SYT6: variants seen among roughly 807,000 people sequenced by gnomAD.
SYT6 encodes synaptotagmin-6.
A neutral mutation model predicts 38.4 loss-of-function variants in SYT6; 24 were observed. The observed-to-expected ratio is 0.62, with a 90% CI of 0.45 to 0.88. SYT6 has a LOEUF of 0.88. Among genes scored for constraint, SYT6 ranks in the 40% least tolerant of loss-of-function variants. SYT6 has a pLI of 0.00. For missense variants in SYT6, 611 were observed against 621.0 expected (o/e 0.98, Z 0.17); for synonymous variants, 265 against 241.9 (o/e 1.10, Z -0.89).
chr1:114,126,727 A>G (rs1456236716), intron 3 of SYT6, among the ~76,000 whole-genome samples: 1 of 152,230 alleles, frequency 6.6e-6, no homozygotes, highest in African/African-American at 2.4e-5. Context: ...TATTCCATCC[A>G]AAGGCACAGC....
rs1254145932 is a variant in SYT6, at chr1:114,139,728, C to A, written c.399G>T (p.Lys133Asn). Residue 133 changes from lysine to asparagine, a missense_variant, in exon 2 of 8, where the codon AAG (lysine) becomes AAT (asparagine). Lys to Asn is a moderately conservative substitution (Grantham distance 94, BLOSUM62 0). Coordinates refer to ENST00000610222, the MANE Select transcript of SYT6 (RefSeq NM_001253772.2). ...STLGFLEAAV[K>N]ISHTSPDIPA... ...GGATATCTGGGGACGTGTGGCTGAT[C>A]TTCACGGCCGCCTCCAGGAAGCCCA... is the stretch of plus-strand genomic sequence containing the variant. 1 of 1,614,054 alleles carries A rather than the reference C, an allele frequency of 6.2e-7. No individual in the cohort carries two copies. Among genetic ancestry groups the A allele is most frequent in the African/African-American group, 1.3e-5 (1 of 74,932 alleles).
rs370506806 is a variant in SYT6 at position 114,099,275 on chromosome 1, T to C, written c.1193-10A>G. 1.9e-6 allele frequency: 3 copies of C among 1,607,902 alleles called. No individual in the cohort carries two copies. The highest frequency in any genetic ancestry group is 2.7e-5 in the African/African-American group (2 of 74,664). ...ACTTTCACATAGGGATCTGTGCCAA[T>C]GGGGACAGAGAAAAGGGAATGGAGT... On this transcript the variant is annotated splice_polypyrimidine_tract_variant and intron_variant, in intron 4 of 7. Coordinates refer to ENST00000610222, the MANE Select transcript of SYT6 (RefSeq NM_001253772.2).
At chr1:114,149,176 G>T (rs144528747) in intron 1 of SYT6, among the ~76,000 whole-genome samples, 97 of 48,944 alleles carry the variant, frequency 2.0e-3, no homozygotes, top group African/African-American at 0.013. Context: ...TCTGGAAAAG[G>T]TGTACCTGAG....
At chr1:114,149,634 T>C (rs1004216735) in intron 1 of SYT6, among the ~76,000 whole-genome samples, 6 of 152,198 alleles carry the variant, frequency 3.9e-5, no homozygotes, top group African/African-American at 1.4e-4. Context: ...TAACAATTAT[T>C]AATATTATTA....
At position 114,119,521 on chromosome 1, in the gene SYT6, A is replaced by G. The variant is rs150248533; in HGVS notation, c.1072-15800T>C. Among the ~76,000 whole-genome samples, 454 of 152,322 alleles carry G rather than the reference A, an allele frequency of 3.0e-3. 2 individuals are homozygous for G. Among genetic ancestry groups the G allele is most frequent in the African/African-American group, 0.01 (424 of 41,562 alleles). Reference sequence around the variant, plus strand: ...TGAATTCTCTTCTTTAATCCTCACAATAACCTTATGGAAAAGGGTTATTTT... The same window carrying G: ...TGAATTCTCTTCTTTAATCCTCACAGTAACCTTATGGAAAAGGGTTATTTT... On this transcript the variant is annotated intron_variant, in intron 3 of 7. Coordinates refer to ENST00000610222, the MANE Select transcript of SYT6 (RefSeq NM_001253772.2).
intron 3 of SYT6, among the ~76,000 whole-genome samples, chr1:114,128,404 C>T (rs1034467997): frequency 3.3e-5 from 5 of 152,240 alleles, no homozygotes; most frequent in Non-Finnish European, 5.9e-5. Flanking sequence ...CTCTACCTCC[C>T]TGTCCCAGCC....
At chr1:114,112,655 G>A (rs1466215793) in intron 3 of SYT6, among the ~76,000 whole-genome samples, 1 of 152,232 alleles carries the variant, frequency 6.6e-6, no homozygotes, top group Non-Finnish European at 1.5e-5. Flanking sequence ...GTGCCGTAGG[G>A]TGCTTGTGCC....
Position 114,149,693 on chromosome 1 carries a change from T to C in SYT6, c.163+3917A>G, listed in dbSNP as rs675968. 9.4e-3 allele frequency among the ~76,000 whole-genome samples: 1,431 copies of C among 152,122 alleles called. 21 individuals are homozygous for C. Among genetic ancestry groups the C allele is most frequent in the African/African-American group, 0.033 (1,375 of 41,474 alleles). ...TTTCTGCTTGAGGGGTCAGGGCATG[T>C]GGCCCTTCTGAATGTGGGATCAAGG... On this transcript the variant is annotated intron_variant, in intron 1 of 7. Coordinates refer to ENST00000610222, the MANE Select transcript of SYT6 (RefSeq NM_001253772.2).
intron 5 of SYT6, among the ~76,000 whole-genome samples, chr1:114,098,332 A>G (rs1217400082): frequency 2.0e-5 from 3 of 152,218 alleles, no homozygotes; most frequent in Non-Finnish European, 4.4e-5. Flanking sequence ...GTTCGTCAAT[A>G]CTATGCCTGA....
At chr1:114,130,701 T>C (rs1382019765) in intron 3 of SYT6, among the ~76,000 whole-genome samples, 1 of 152,246 alleles carries the variant, frequency 6.6e-6, no homozygotes, top group African/African-American at 2.4e-5. Context: ...AAGCAAGGAC[T>C]ATGTTTGCCC....
rs60468590 is a variant in SYT6 at position 114,122,995 on chromosome 1, C to T, written c.1071+14500G>A. Among the ~76,000 whole-genome samples the T allele has an allele frequency of 2.8e-3, 421 of 152,350 alleles. 10 individuals carry two copies. The East Asian group carries it at 0.054, about 19-fold the overall frequency. On this transcript the variant is annotated intron_variant, in intron 3 of 7. Coordinates refer to ENST00000610222, the MANE Select transcript of SYT6 (RefSeq NM_001253772.2). Reference sequence around the variant, plus strand: ...ATCCTGACTCACACCTCCTTTTCTCCGGGGCCCGCGAGGCACTCTGAGCTT... The same window carrying T: ...ATCCTGACTCACACCTCCTTTTCTCTGGGGCCCGCGAGGCACTCTGAGCTT...
chr1:114,139,472 G>A (rs1678717081), intron 2 of SYT6, 143 bp downstream of exon 2: 2 of 1,348,616 alleles, frequency 1.5e-6, no homozygotes, highest in South Asian at 3.0e-5. Context: ...ACCCATCATG[G>A]CTCACATCAT....
At chr1:114,131,657 C>T (rs1678163956) in intron 3 of SYT6, among the ~76,000 whole-genome samples, 1 of 152,224 alleles carries the variant, frequency 6.6e-6, no homozygotes, top group African/African-American at 2.4e-5. Flanking sequence ...CTTGCTTTAC[C>T]TTCCTTTCCA....
At position 114,099,087 on chromosome 1, in the gene SYT6, T is replaced by C. The variant is rs199571940; in HGVS notation, c.1364+7A>G. ...TAGAATTACGTCCCTCTAGGACGCC[T>C]ACCTACCGATCATAGTCCATGACTG... On this transcript the variant is annotated splice_region_variant and intron_variant, in intron 5 of 7. Coordinates refer to ENST00000610222, the MANE Select transcript of SYT6 (RefSeq NM_001253772.2). 8.8e-5 allele frequency: 142 copies of C among 1,610,028 alleles called. No individual in the cohort carries two copies. The Admixed American group carries it at 2.4e-3, about 27-fold the overall frequency.
chr1:114,100,286 C>T (rs1446680749), intron 4 of SYT6, among the ~76,000 whole-genome samples: 1 of 152,278 alleles, frequency 6.6e-6, no homozygotes, highest in Non-Finnish European at 1.5e-5. Flanking sequence ...TGCTGAGACA[C>T]CTTGTTGCCC....
At chr1:114,138,074 G>GC in intron 2 of SYT6, 21 bp from the exon 3 acceptor site, 1 of 1,605,146 alleles carries the variant, frequency 6.2e-7, no homozygotes, top group East Asian at 2.2e-5. Context: ...GCAGGAGGGG[G>GC]CAGAGGGAGT....
At chr1:114,112,258 C>T (rs1026986762) in intron 3 of SYT6, among the ~76,000 whole-genome samples, 75 of 152,272 alleles carry the variant, frequency 4.9e-4, no homozygotes, top group African/African-American at 1.5e-3. Context: ...TGTGGAGCAG[C>T]GGTGCACGGA....
chr1:114,126,555 T>C (rs1205752859), intron 3 of SYT6, among the ~76,000 whole-genome samples: 2 of 152,154 alleles, frequency 1.3e-5, no homozygotes, highest in African/African-American at 4.8e-5. Flanking sequence ...CTGTGTGCTA[T>C]TAGGTGGTGG....
chr1:114,141,008 C>T (rs1678836935), intron 1 of SYT6, among the ~76,000 whole-genome samples: 1 of 152,174 alleles, frequency 6.6e-6, no homozygotes, highest in Non-Finnish European at 1.5e-5. Flanking sequence ...GTTCTGGCTG[C>T]TCCCCTGGCT....
Sources: allele counts gnomAD v4.1 joint callset (sites outside exome capture counted in the v4.1 genomes callset), GRCh38; gene constraint gnomAD v4.1.1; transcripts MANE v1.5; gene names NCBI Gene and HGNC (gene_info 2026-07-23, HGNC 2026-07-21).